The following MTRR variants were observed in gnomAD, a reference collection of about 807,000 sequenced individuals.
The protein encoded by MTRR is methionine synthase reductase.
MTRR carries 63 observed loss-of-function variants against 79.2 expected under a neutral mutation model. The ratio of observed to expected loss-of-function variants is 0.80; its 90% CI spans 0.65 to 0.98. The LOEUF (loss-of-function observed/expected upper bound fraction) is 0.98, where lower values mean the gene tolerates loss of function less well. Among genes scored for constraint, MTRR ranks in the 50% least tolerant of loss-of-function variants. The probability of loss-of-function intolerance (pLI) is 0.00; values close to 1 mark genes in which losing one functional copy is unlikely to be tolerated. For missense variants in MTRR, 895 were observed against 839.6 expected (o/e 1.07, Z -0.82); for synonymous variants, 355 against 313.3 (o/e 1.13, Z -1.41).
At chr5:7,897,454 G>A (rs1424628283) in intron 14 of MTRR, among the ~76,000 whole-genome samples, 1 of 152,176 alleles carries the variant, frequency 6.6e-6, no homozygotes, top group Non-Finnish European at 1.5e-5. Context: ...AGTGGTGAAA[G>A]TTAATGCTTG....
exon 1 of MTRR, chr5:7,851,446 G>C (rs918513179): frequency 6.2e-6 from 1 of 162,424 alleles, no homozygotes; most frequent in South Asian, 2.0e-4. Context: ...AACGGAGCAG[G>C]CCTTGTCCAC....
chr5:7,866,925 G>A, upstream of MTRR: 2 of 1,614,182 alleles, frequency 1.2e-6, no homozygotes, highest in Non-Finnish European at 1.7e-6. Context: ...TTGAGGATGG[G>A]TTTTGAAAGA....
At chr5:7,874,573 A>C (rs1215070451) in intron 3 of MTRR, among the ~76,000 whole-genome samples, 2 of 146,356 alleles carry the variant, frequency 1.4e-5, no homozygotes, top group Admixed American at 6.9e-5. Context: ...TGCCTGCACA[A>C]CTGAGGGATT....
At chr5:7,854,999 A>T (rs1746196950) in intron 1 of MTRR, among the ~76,000 whole-genome samples, 1 of 152,234 alleles carries the variant, frequency 6.6e-6, no homozygotes, top group Non-Finnish European at 1.5e-5. Context: ...GTTTAATAGG[A>T]AATGCAGCAG....
At chr5:7,863,266 TA>T in intron 2 of MTRR, 1 of 404,024 alleles carries the variant, frequency 2.5e-6, no homozygotes, top group Non-Finnish European at 4.4e-6. Context: ...AGAAGGAAGG[TA>T]AAAAGGAGTG....
intron 5 of MTRR, among the ~76,000 whole-genome samples, chr5:7,880,142 A>C (rs988163796): frequency 8.8e-6 from 1 of 113,756 alleles, no homozygotes; most frequent in Non-Finnish European, 2.3e-5. Flanking sequence ...TGCATAGGGC[A>C]TGGGTCTTAC....
chr5:7,857,905 A>T (rs1294776176), intron 1 of MTRR, among the ~76,000 whole-genome samples: 1 of 152,204 alleles, frequency 6.6e-6, no homozygotes, highest in Non-Finnish European at 1.5e-5. Flanking sequence ...AACAGGGAAA[A>T]GCTTGCAATG....
At position 7,896,504 on chromosome 5, in the gene MTRR, T is replaced by G. The variant is rs1738539392; in HGVS notation, c.1677-360T>G. On this transcript the variant is annotated intron_variant, in intron 12 of 14. Transcript: ENST00000440940. ...ACCATTTCGTAGACACTTTACACAT[T>G]CTGCCTTTAACAGCCCTGAGCCACT... 3 of 320,948 alleles carry G rather than the reference T, an allele frequency of 9.3e-6. No individual in the cohort carries two copies. In the East Asian group the frequency reaches 2.3e-4, roughly 24 times the overall value. 19.9% of individuals were successfully genotyped at this position (320,948 alleles called of 1,614,324 possible). A position where few individuals can be genotyped will look rare whatever the true frequency, so the allele number is the denominator to read the frequency against.
chr5:7,898,840 C>T (rs558835760), intron 14 of MTRR, among the ~76,000 whole-genome samples: 1 of 152,084 alleles, frequency 6.6e-6, no homozygotes, highest in South Asian at 2.1e-4. Context: ...TGGCTAAGTG[C>T]TTGGGGCATA....
chr5:7,856,765 AT>A (rs1214108608), intron 1 of MTRR: 3 of 132,962 alleles, frequency 2.3e-5, no homozygotes, highest in Non-Finnish European at 4.9e-5. Context: ...TTTTTTTTTA[AT>A]TTTATTTATT....
At chr5:7,892,976 A>G (rs1355821954) in intron 11 of MTRR, 63 bp downstream of exon 11, 5 of 1,526,896 alleles carry the variant, frequency 3.3e-6, no homozygotes, top group Admixed American at 3.8e-5. Context: ...ATTAGAAAAA[A>G]CAGTGTTGTC....
intron 1 of MTRR, chr5:7,870,275 A>G (rs1170303476): frequency 5.1e-6 from 1 of 196,566 alleles, no homozygotes; most frequent in Non-Finnish European, 1.0e-5. Context: ...ATCAAATAAG[A>G]ACCAAGAATC....
In MTRR at chr5:7,896,923, G is replaced by A. The variant is rs1738620031; in HGVS notation, c.1736G>A (p.Gly579Asp). The change falls in exon 13 of 15, where the codon GGC becomes GAC. Residue 579 changes from glycine (G) to aspartate (D), a missense_variant. Transcript: ENST00000440940. The part of the protein sequence containing the change: ...GNFGAMWLFF[G>D]CRHKDRDYLF... The stretch of plus-strand genomic sequence containing the variant: ...TTTGGAGCAATGTGGTTGTTTTTTG[G>A]CTGCAGGCATAAGGATAGGGATTAT... The A allele has an allele frequency of 6.2e-7, 1 of 1,614,000 alleles. No homozygotes were observed. The highest frequency in any genetic ancestry group is 8.5e-7 in the Non-Finnish European group (1 of 1,180,000).
At chr5:7,885,652 T>C in intron 6 of MTRR, 49 bp from the exon 7 acceptor site, 1 of 1,559,836 alleles carries the variant, frequency 6.4e-7, no homozygotes, top group Non-Finnish European at 8.8e-7. Flanking sequence ...GCTTAAACTA[T>C]GTAACACGTA....
upstream of MTRR, chr5:7,867,515 A>G (rs200671851): frequency 8.1e-6 from 13 of 1,614,282 alleles, no homozygotes; most frequent in African/African-American, 1.7e-4. Context: ...TTGAGGATCC[A>G]CATGCAACAG....
intron 8 of MTRR, among the ~76,000 whole-genome samples, chr5:7,887,163 G>A (rs914989495): frequency 2.6e-5 from 4 of 152,102 alleles, no homozygotes; most frequent in Admixed American, 6.5e-5. Flanking sequence ...TCTACTTTGT[G>A]TAATACTACA....
upstream of MTRR, chr5:7,868,168 T>A (rs1747177362): frequency 3.3e-5 from 13 of 391,460 alleles, no homozygotes; most frequent in South Asian, 5.2e-5. Flanking sequence ...TGACCCAACA[T>A]CAATGTTTAT....
chr5:7,895,993 C>A, intron 12 of MTRR, 141 bp downstream of exon 12: 1 of 1,127,808 alleles, frequency 8.9e-7, no homozygotes, highest in Non-Finnish European at 1.3e-6. Flanking sequence ...TAATTTGTCA[C>A]CATGGGAAAA....
rs561063599 is a variant in MTRR at position 7,851,443 on chromosome 5, C to T, written n.249C>T. The T allele has an allele frequency of 2.6e-3, 428 of 162,850 alleles. 4 individuals are homozygous for T. Among genetic ancestry groups the T allele is most frequent in the African/African-American group, 9.8e-3 (412 of 42,018 alleles). 10.1% of individuals were successfully genotyped at this position (162,850 alleles called of 1,614,324 possible). A position where few individuals can be genotyped will look rare whatever the true frequency, so the allele number is the denominator to read the frequency against. ...GCTGGAGATTGAGCCTTGAACGGAG[C>T]AGGCCTTGTCCACAGGAAGCTTACA... is the stretch of plus-strand genomic sequence containing the variant. On this transcript the variant is annotated non_coding_transcript_exon_variant, in exon 1 of 4. Transcript: ENST00000502509.
Sources: gnomAD v4.1 joint callset for allele counts (sites outside exome capture counted in the v4.1 genomes callset) on GRCh38, gnomAD v4.1.1 for gene constraint, MANE v1.5 for transcripts, NCBI Gene and HGNC (gene_info 2026-07-23, HGNC 2026-07-21) for gene names.